EDA: variants seen among roughly 807,000 people sequenced by gnomAD.
EDA encodes the protein ectodysplasin-A.
A neutral mutation model predicts 23.6 loss-of-function variants in EDA; 2 were observed. The observed-to-expected ratio is 0.08, with a 90% CI of 0.03 to 0.27. EDA has a LOEUF of 0.27. EDA is among the 10% of genes least tolerant of loss of function. The pLI, the probability that EDA is intolerant of heterozygous loss-of-function variation, is 1.00. For synonymous variants in EDA, 131 were observed against 132.0 expected, an observed-to-expected ratio of 0.99 and a Z score of 0.05; for missense variants, 229 against 324.2, an observed-to-expected ratio of 0.71 and a Z score of 2.26.
chrX:69,815,257 G>T (rs750393548), intron 1 of EDA, among the ~76,000 whole-genome samples: 5 of 111,995 alleles, frequency 4.5e-5, no homozygotes, highest in Non-Finnish European at 9.4e-5. Context: ...AGGAGGAGAG[G>T]TCCCCCACAA....
intron 1 of EDA, among the ~76,000 whole-genome samples, chrX:69,938,520 G>A (rs1304038208): frequency 8.9e-6 from 1 of 111,956 alleles, no homozygotes; most frequent in Non-Finnish European, 1.9e-5. Context: ...ATCTCTGTCA[G>A]ATGAGTACTT....
intron 1 of EDA, among the ~76,000 whole-genome samples, chrX:69,776,383 C>G (rs1388972770): frequency 9.0e-6 from 1 of 111,026 alleles, no homozygotes; most frequent in Non-Finnish European, 1.9e-5. Context: ...GTGGTTTTCC[C>G]CATGCTGTTC....
chrX:69,760,534 G>A (rs1474992757), intron 1 of EDA, among the ~76,000 whole-genome samples: 1 of 111,776 alleles, frequency 8.9e-6, no homozygotes, highest in African/African-American at 3.3e-5. Context: ...TTTCACTTGT[G>A]TTCATATGCT....
At chrX:69,969,644 AT>A (rs2019221171) in intron 2 of EDA, among the ~76,000 whole-genome samples, 1 of 112,176 alleles carries the variant, frequency 8.9e-6, no homozygotes, top group South Asian at 3.7e-4. Flanking sequence ...AGAAAGGCAT[AT>A]TTGCGGTACA....
At chrX:69,996,951 C>T (rs961569530) in intron 2 of EDA, among the ~76,000 whole-genome samples, 5 of 112,253 alleles carry the variant, frequency 4.5e-5, no homozygotes, top group East Asian at 2.8e-4. Flanking sequence ...GAGGCCTCCC[C>T]GGCCACGTGG....
At chrX:69,770,313 T>C (rs1317001853) in intron 1 of EDA, among the ~76,000 whole-genome samples, 4 of 112,144 alleles carry the variant, frequency 3.6e-5, no homozygotes, top group African/African-American at 9.7e-5. Context: ...AACTGCCAAG[T>C]TGTTATCCAG....
chrX:69,773,245 C>T (rs189811385), intron 1 of EDA, among the ~76,000 whole-genome samples: 1,743 of 112,227 alleles, frequency 0.016, 31 homozygotes, highest in African/African-American at 0.055. Context: ...AAAGTCATTG[C>T]TTTTTAAGGC....
intron 1 of EDA, among the ~76,000 whole-genome samples, chrX:69,667,743 G>A (rs771070556): frequency 7.1e-5 from 8 of 112,061 alleles, no homozygotes; most frequent in Non-Finnish European, 1.1e-4. Context: ...CACAGACTGC[G>A]CAATTTATAA....
intron 1 of EDA, among the ~76,000 whole-genome samples, chrX:69,783,531 T>C (rs2015029206): frequency 9.4e-6 from 1 of 106,486 alleles, no homozygotes; most frequent in Non-Finnish European, 1.9e-5. Context: ...AGTGAGAATA[T>C]GCAGTCTTTG....
At chrX:69,850,615 T>A (rs2017105498) in intron 1 of EDA, among the ~76,000 whole-genome samples, 1 of 112,177 alleles carries the variant, frequency 8.9e-6, no homozygotes, top group Non-Finnish European at 1.9e-5. Flanking sequence ...CTCATCTGCT[T>A]CCAATATATA....
At chrX:69,786,215 A>G (rs2015166364) in intron 1 of EDA, among the ~76,000 whole-genome samples, 2 of 110,564 alleles carry the variant, frequency 1.8e-5, no homozygotes, top group Middle Eastern at 4.6e-3. Context: ...CGGTCTATCA[A>G]TTTTGTTGAT....
At chrX:69,723,764 G>C (rs2147347366) in intron 1 of EDA, among the ~76,000 whole-genome samples, 1 of 111,878 alleles carries the variant, frequency 8.9e-6, no homozygotes, top group South Asian at 3.8e-4. Context: ...AATGTTTTCT[G>C]CTGTAGTTTG....
intron 1 of EDA, among the ~76,000 whole-genome samples, chrX:69,897,597 G>A (rs2018037067): frequency 8.9e-6 from 1 of 111,920 alleles, no homozygotes; most frequent in African/African-American, 3.2e-5. Flanking sequence ...TTTCTCTCCT[G>A]TCTAAAGCTC....
chrX:69,711,561 A>G (rs763452826), intron 1 of EDA, among the ~76,000 whole-genome samples: 1 of 111,827 alleles, frequency 8.9e-6, no homozygotes, highest in African/African-American at 3.2e-5. Flanking sequence ...TAGTTTCAGA[A>G]GGAATGGTAC....
chrX:69,785,863 G>A (rs761094421), intron 1 of EDA, among the ~76,000 whole-genome samples: 23 of 108,447 alleles, frequency 2.1e-4, no homozygotes, highest in African/African-American at 7.7e-4. Flanking sequence ...GTTTCAGAAG[G>A]AATGGTACCA....
intron 1 of EDA, among the ~76,000 whole-genome samples, chrX:69,627,630 A>T (rs188759195): frequency 8.9e-6 from 1 of 112,102 alleles, no homozygotes; most frequent in Non-Finnish European, 1.9e-5. Flanking sequence ...AGGAAGAAAT[A>T]AAAGCATAAA....
At chrX:69,802,066 A>G (rs1368828757) in intron 1 of EDA, among the ~76,000 whole-genome samples, 1 of 111,528 alleles carries the variant, frequency 9.0e-6, no homozygotes, top group Non-Finnish European at 1.9e-5. Context: ...TATATTTTTA[A>G]AAGCACATTG....
intron 1 of EDA, among the ~76,000 whole-genome samples, chrX:69,925,198 G>C (rs1399932780): frequency 2.7e-5 from 3 of 111,818 alleles, no homozygotes; most frequent in African/African-American, 9.7e-5. Context: ...TTGAATCGGA[G>C]TGGTAAGAGA....
chrX:69,765,087 A>G (rs1240580203), intron 1 of EDA, among the ~76,000 whole-genome samples: 2 of 112,219 alleles, frequency 1.8e-5, no homozygotes, highest in Admixed American at 9.4e-5. Flanking sequence ...AAGAGGGACA[A>G]TCATTTATCA....
Sources: gnomAD v4.1 joint callset for allele counts (sites outside exome capture counted in the v4.1 genomes callset) on GRCh38, gnomAD v4.1.1 for gene constraint, MANE v1.5 for transcripts, NCBI Gene and HGNC (gene_info 2026-07-23, HGNC 2026-07-21) for gene names.